Variants in PNLIPRP3 observed in about 807,000 individuals in gnomAD.
PNLIPRP3 encodes pancreatic lipase-related protein 3.
In PNLIPRP3, 58 loss-of-function variants were observed where a neutral mutation model predicts 52.8. The observed-to-expected ratio is 1.10, with a 90% CI of 0.89 to 1.37. PNLIPRP3 has a LOEUF of 1.37. Ranked by LOEUF, PNLIPRP3 falls within the 40% of genes most tolerant of loss-of-function variation. The pLI is 0.00. For synonymous variants in PNLIPRP3, 192 were observed against 185.0 expected (o/e 1.04, Z -0.31); for missense variants, 593 against 561.6 (o/e 1.06, Z -0.57).
At chr10:116,476,123 C>G (rs1846461222) in intron 10 of PNLIPRP3, among the ~76,000 whole-genome samples, 1 of 152,128 alleles carries the variant, frequency 6.6e-6, no homozygotes, top group Admixed American at 6.5e-5. Flanking sequence ...TCTCTCTGCT[C>G]TATTGCCGTG....
intron 2 of PNLIPRP3, among the ~76,000 whole-genome samples, chr10:116,438,295 A>T (rs544251948): frequency 8.5e-5 from 13 of 152,148 alleles, no homozygotes; most frequent in Non-Finnish European, 1.5e-4. Flanking sequence ...TGGTTGGAGG[A>T]TCTATATTTA....
At chr10:116,451,944 G>C (rs1371949607) in intron 4 of PNLIPRP3, among the ~76,000 whole-genome samples, 1 of 152,148 alleles carries the variant, frequency 6.6e-6, no homozygotes, top group Non-Finnish European at 1.5e-5. Context: ...GAGAGTTGTG[G>C]GGCTCAGAAG....
At chr10:116,443,933 A>G (rs895007907) in intron 3 of PNLIPRP3, among the ~76,000 whole-genome samples, 2 of 150,510 alleles carry the variant, frequency 1.3e-5, no homozygotes, top group African/African-American at 4.9e-5. Context: ...CTCCATTTTC[A>G]TACTGCTATA....
intron 2 of PNLIPRP3, among the ~76,000 whole-genome samples, chr10:116,437,470 C>T (rs1156671480): frequency 6.6e-6 from 1 of 152,120 alleles, no homozygotes; most frequent in African/African-American, 2.4e-5. Context: ...AGGAGAGAAA[C>T]CACAGGCCTG....
intron 4 of PNLIPRP3, among the ~76,000 whole-genome samples, chr10:116,446,332 C>T (rs1258343411): frequency 3.9e-4 from 42 of 106,430 alleles, no homozygotes; most frequent in African/African-American, 1.5e-3. Context: ...GGCCAGAGTG[C>T]GACGCTGCGT....
intron 4 of PNLIPRP3, among the ~76,000 whole-genome samples, chr10:116,449,394 G>A (rs1385798588): frequency 6.6e-6 from 1 of 152,110 alleles, no homozygotes; most frequent in African/African-American, 2.4e-5. Context: ...TGAAGAGATG[G>A]AAAAGAATAA....
intron 10 of PNLIPRP3, among the ~76,000 whole-genome samples, chr10:116,473,742 A>C (rs937193119): frequency 4.6e-5 from 7 of 151,972 alleles, no homozygotes; most frequent in Admixed American, 2.0e-4. Context: ...GCTGATCTCG[A>C]ACTCCTAGCC....
At chr10:116,461,328 A>G in intron 7 of PNLIPRP3, 38 bp downstream of exon 7, 1 of 1,595,128 alleles carries the variant, frequency 6.3e-7, no homozygotes, top group Non-Finnish European at 8.6e-7. Flanking sequence ...ACTGATGCAT[A>G]TTCACTTAGC....
rs570544195 is a variant in PNLIPRP3, at chr10:116,477,203, G to C, written c.*50G>C. On this transcript the variant is annotated 3_prime_UTR_variant, in exon 12 of 12. Coordinates refer to ENST00000369230, the MANE Select transcript of PNLIPRP3 (RefSeq NM_001011709.3). The stretch of plus-strand genomic sequence containing the variant: ...TCTTTAGTAGGAGCAATGAAGAAAA[G>C]TGTCTCCTTCCACCTGGCATCCAGA... 4.1e-6 allele frequency: 6 copies of C among 1,474,220 alleles called. No individual in the cohort carries two copies. In the East Asian group the frequency reaches 6.9e-5, roughly 17 times the overall value. 91.3% of individuals were successfully genotyped at this position (1,474,220 alleles called of 1,614,324 possible).
At chr10:116,444,263 C>G (rs1845909212) in intron 3 of PNLIPRP3, 119 bp from the exon 4 acceptor site, 1 of 839,678 alleles carries the variant, frequency 1.2e-6, no homozygotes, top group Non-Finnish European at 1.7e-6. Context: ...TGGTCGGGGA[C>G]ACAAAGTCTA....
At chr10:116,442,623 G>T (rs2133119165) in intron 2 of PNLIPRP3, among the ~76,000 whole-genome samples, 1 of 152,180 alleles carries the variant, frequency 6.6e-6, no homozygotes, top group Middle Eastern at 3.4e-3. Flanking sequence ...CAGCAACTTG[G>T]GAGGCTGAGG....
intron 10 of PNLIPRP3, among the ~76,000 whole-genome samples, chr10:116,472,281 G>A (rs1218041426): frequency 1.3e-5 from 2 of 152,166 alleles, no homozygotes; most frequent in African/African-American, 2.4e-5. Context: ...AGCTGTCTAA[G>A]CATTACCCAC....
intron 1 of PNLIPRP3, among the ~76,000 whole-genome samples, chr10:116,428,804 TC>T (rs1845671272): frequency 6.6e-6 from 1 of 152,166 alleles, no homozygotes; most frequent in Admixed American, 6.5e-5. Context: ...TTGAAAGAGA[TC>T]AACCCCTTTG....
At chr10:116,471,938 G>C in intron 10 of PNLIPRP3, 59 bp downstream of exon 10, 1 of 1,033,044 alleles carries the variant, frequency 9.7e-7, no homozygotes, top group Admixed American at 2.2e-5. Flanking sequence ...AACACTAAGT[G>C]AGACTGGCTC....
chr10:116,428,114 T>C, intron 1 of PNLIPRP3, 53 bp downstream of exon 1: 1 of 1,258,170 alleles, frequency 7.9e-7, no homozygotes, highest in Admixed American at 1.9e-5. Context: ...TATACTTACA[T>C]CTAAAATGTA....
chr10:116,433,114 C>CAAAATAAAAAA (rs1845729828), intron 1 of PNLIPRP3, among the ~76,000 whole-genome samples: 1 of 8,494 alleles, frequency 1.2e-4, no homozygotes, highest in Admixed American at 3.2e-3. Flanking sequence ...AACTCCATCT[C>CAAAATAAAAAA]AAAAAAAAAA....
At chr10:116,476,959 A>G in intron 11 of PNLIPRP3, 131 bp from the exon 12 acceptor site, 1 of 1,189,584 alleles carries the variant, frequency 8.4e-7, no homozygotes. Context: ...GGGAAAAGTT[A>G]AGAAACCAAT....
At chr10:116,448,672 C>A (rs1589980881) in intron 4 of PNLIPRP3, among the ~76,000 whole-genome samples, 1 of 150,564 alleles carries the variant, frequency 6.6e-6, no homozygotes, top group South Asian at 2.1e-4. Context: ...CATAGTGAGA[C>A]CCTGTCTCTA....
chr10:116,463,629 T>C (rs1846232152), intron 7 of PNLIPRP3, among the ~76,000 whole-genome samples: 1 of 152,160 alleles, frequency 6.6e-6, no homozygotes, highest in Non-Finnish European at 1.5e-5. Context: ...ATTTTTAACA[T>C]GGCCTCCATG....
Sources: allele counts gnomAD v4.1 joint callset (sites outside exome capture counted in the v4.1 genomes callset), GRCh38; gene constraint gnomAD v4.1.1; transcripts MANE v1.5; gene names NCBI Gene and HGNC (gene_info 2026-07-23, HGNC 2026-07-21).